Variants in GLRA1 observed in about 807,000 individuals in gnomAD.
GLRA1 encodes the protein glycine receptor subunit alpha-1.
A neutral mutation model predicts 48.3 loss-of-function variants in GLRA1; 37 were observed. That is an observed-to-expected ratio of 0.77 (90% CI 0.59 to 1.01). The LOEUF (loss-of-function observed/expected upper bound fraction) is 1.01. Among genes scored for constraint, GLRA1 ranks in the 50% least tolerant of loss-of-function variants. The pLI, the probability that GLRA1 is intolerant of heterozygous loss-of-function variation, is 0.00. For synonymous variants in GLRA1, 196 were observed against 210.7 expected, an observed-to-expected ratio of 0.93 and a Z score of 0.60; for missense variants, 427 against 571.0, an observed-to-expected ratio of 0.75 and a Z score of 2.57.
At chr5:151,880,030 G>T (rs926557166) in intron 3 of GLRA1, among the ~76,000 whole-genome samples, 2 of 152,162 alleles carry the variant, frequency 1.3e-5, no homozygotes, top group African/African-American at 4.8e-5. Flanking sequence ...CTCTTTGCCT[G>T]CTGCCATCCA....
chr5:151,902,896 C>T (rs977624821), intron 1 of GLRA1, among the ~76,000 whole-genome samples: 2 of 152,108 alleles, frequency 1.3e-5, no homozygotes, highest in Admixed American at 1.3e-4. Flanking sequence ...CCTGACCTTA[C>T]AAACTTCTCT....
intron 7 of GLRA1, among the ~76,000 whole-genome samples, chr5:151,843,124 A>G (rs943287257): frequency 6.6e-6 from 1 of 152,184 alleles, no homozygotes; most frequent in African/African-American, 2.4e-5. Flanking sequence ...AAGAAATCCC[A>G]TGTTGATGGA....
rs950768249 is a variant in GLRA1, at chr5:151,891,417, A to G, written c.184+894T>C. Among the ~76,000 whole-genome samples the G allele has an allele frequency of 2.6e-5, 4 of 152,338 alleles. No individual in the cohort carries two copies. In the South Asian group the frequency reaches 8.3e-4, roughly 32 times the overall value. On this transcript the variant is annotated intron_variant, in intron 2 of 8. Transcript: ENST00000274576. Reference sequence around the variant, plus strand: ...ACCCACAGGGCATATGTGGGTCACAAACATGTTTTATTTGAATTTACATGT... The same window carrying G: ...ACCCACAGGGCATATGTGGGTCACAGACATGTTTTATTTGAATTTACATGT...
At chr5:151,835,396 A>AG (rs1175416771) in intron 7 of GLRA1, among the ~76,000 whole-genome samples, 1 of 152,212 alleles carries the variant, frequency 6.6e-6, no homozygotes, top group African/African-American at 2.4e-5. Flanking sequence ...CAATAGAAAA[A>AG]GAGGGACTCC....
chr5:151,835,035 A>G (rs1470939976), intron 7 of GLRA1, among the ~76,000 whole-genome samples: 1 of 150,582 alleles, frequency 6.6e-6, no homozygotes, highest in African/African-American at 2.4e-5. Context: ...CTCAAAAAAA[A>G]AAAAAAAAAA....
intron 5 of GLRA1, 83 bp downstream of exon 5, chr5:151,856,218 G>T: frequency 2.3e-6 from 2 of 879,060 alleles, no homozygotes; most frequent in Admixed American, 3.6e-5. Flanking sequence ...TAGTGGTTAG[G>T]AGCAGCTGTG....
chr5:151,823,010 T>G (rs571752079), intron 8 of GLRA1, 47 bp from the exon 9 acceptor site: 1 of 1,525,586 alleles, frequency 6.6e-7, no homozygotes, highest in African/African-American at 1.4e-5. Flanking sequence ...AGACAGGGGC[T>G]AGGCACCCTC....
At chr5:151,905,094 A>T (rs1037737710) in intron 1 of GLRA1, among the ~76,000 whole-genome samples, 2 of 152,210 alleles carry the variant, frequency 1.3e-5, no homozygotes, top group African/African-American at 4.8e-5. Context: ...GAAACTGTCC[A>T]GTGGCAAAAA....
intron 1 of GLRA1, among the ~76,000 whole-genome samples, chr5:151,900,252 C>T (rs1018598495): frequency 6.6e-6 from 1 of 152,122 alleles, no homozygotes; most frequent in African/African-American, 2.4e-5. Context: ...AGAGTGAGCA[C>T]CTCATTAAAT....
intron 2 of GLRA1, among the ~76,000 whole-genome samples, chr5:151,891,670 G>A (rs1439876973): frequency 3.9e-5 from 6 of 152,054 alleles, no homozygotes; most frequent in Admixed American, 3.9e-4. Context: ...ACCCAACCCT[G>A]GTAGGCATTT....
chr5:151,859,761 T>C, intron 4 of GLRA1, 24 bp downstream of exon 4: 4 of 1,481,944 alleles, frequency 2.7e-6, no homozygotes, highest in Non-Finnish European at 2.8e-6. Flanking sequence ...GAGCAGGGAG[T>C]GGGTGAACCT....
At chr5:151,825,054 G>T (rs2113281902) in intron 8 of GLRA1, among the ~76,000 whole-genome samples, 1 of 152,278 alleles carries the variant, frequency 6.6e-6, no homozygotes, top group East Asian at 1.9e-4. Flanking sequence ...AATGAATCTT[G>T]TCCAACATCT....
chr5:151,891,607 C>G (rs533059923), intron 2 of GLRA1, among the ~76,000 whole-genome samples: 8 of 152,290 alleles, frequency 5.3e-5, no homozygotes, highest in Admixed American at 4.6e-4. Flanking sequence ...TTCATAGTCT[C>G]TACCACTCCC....
chr5:151,920,036 C>G (rs1045587142), intron 1 of GLRA1, among the ~76,000 whole-genome samples: 2 of 152,228 alleles, frequency 1.3e-5, no homozygotes, highest in Non-Finnish European at 2.9e-5. Flanking sequence ...TTAAAGGGAG[C>G]AGTGTCTCCC....
chr5:151,834,084 G>A (rs926438757), intron 7 of GLRA1, among the ~76,000 whole-genome samples: 10 of 152,018 alleles, frequency 6.6e-5, no homozygotes, highest in Admixed American at 6.6e-5. Flanking sequence ...AAAAATTAAC[G>A]AGGATATTCA....
chr5:151,849,386 C>G (rs199701470), intron 7 of GLRA1, among the ~76,000 whole-genome samples: 12,705 of 28,042 alleles, frequency 0.45, 1,814 homozygotes, highest in Middle Eastern at 0.5. Context: ...GTTTCCTTTC[C>G]TTTCCTTTCC....
intron 1 of GLRA1, among the ~76,000 whole-genome samples, chr5:151,923,940 A>C (rs1360297217): frequency 1.3e-5 from 2 of 152,174 alleles, no homozygotes; most frequent in Non-Finnish European, 2.9e-5. Flanking sequence ...ACTCAGCCTT[A>C]GTAATCCCCC....
intron 3 of GLRA1, among the ~76,000 whole-genome samples, chr5:151,884,041 A>G (rs1002818808): frequency 2.6e-4 from 40 of 152,204 alleles, no homozygotes; most frequent in African/African-American, 9.6e-4. Context: ...CAAATCATCA[A>G]TGATAATGTT....
chr5:151,829,093 G>A, intron 7 of GLRA1, 26 bp from the exon 8 acceptor site: 8 of 1,611,710 alleles, frequency 5.0e-6, no homozygotes, highest in Non-Finnish European at 6.8e-6. Flanking sequence ...AGGAGAAACA[G>A]GGAGGTGAAA....
Sources: allele counts gnomAD v4.1 joint callset (sites outside exome capture counted in the v4.1 genomes callset), GRCh38; gene constraint gnomAD v4.1.1; transcripts MANE v1.5; gene names NCBI Gene and HGNC (gene_info 2026-07-23, HGNC 2026-07-21).